UGT1A10: variants seen among roughly 807,000 people sequenced by gnomAD.
The protein encoded by UGT1A10 is UDP glucuronosyltransferase family 1 member A10.
UGT1A10 carries 49 observed loss-of-function variants against 45.8 expected under a neutral mutation model. The ratio of observed to expected loss-of-function variants is 1.07; its 90% CI spans 0.85 to 1.36. UGT1A10 has a LOEUF of 1.36. Ranked by LOEUF, UGT1A10 falls within the 40% of genes most tolerant of loss-of-function variation. The pLI is 0.00. For missense variants in UGT1A10, 745 were observed against 668.6 expected (o/e 1.11, Z -1.26); for synonymous variants, 284 against 249.7 (o/e 1.14, Z -1.29).
At chr2:233,647,800 T>A in intron 1 of UGT1A10, 1 of 731,824 alleles carries the variant, frequency 1.4e-6, no homozygotes. Context: ...GGGTAGAGAT[T>A]TATCAAGTTA....
chr2:233,691,173 G>T, intron 1 of UGT1A10: 2 of 985,646 alleles, frequency 2.0e-6, no homozygotes, highest in Non-Finnish European at 2.4e-6. Flanking sequence ...CCTAATGTCT[G>T]CCTGCTCAAG....
chr2:233,728,187 T>G (rs1430038112), intron 1 of UGT1A10, among the ~76,000 whole-genome samples: 5 of 152,222 alleles, frequency 3.3e-5, no homozygotes, highest in Non-Finnish European at 7.3e-5. Flanking sequence ...TATCAGAACT[T>G]GGTGCTGGAT....
intron 1 of UGT1A10, among the ~76,000 whole-genome samples, chr2:233,660,594 G>A (rs929603279): frequency 7.3e-5 from 11 of 151,428 alleles, no homozygotes; most frequent in Non-Finnish European, 1.5e-4. Flanking sequence ...TTCCCTTAAA[G>A]GCTCAAGGAT....
chr2:233,730,496 A>G (rs888211040), intron 1 of UGT1A10, among the ~76,000 whole-genome samples: 3 of 152,218 alleles, frequency 2.0e-5, no homozygotes, highest in Admixed American at 6.5e-5. Context: ...TAGAAGTGTC[A>G]GAGAGGTTGA....
chr2:233,670,769 C>T (rs2074168738), intron 1 of UGT1A10, among the ~76,000 whole-genome samples: 1 of 152,138 alleles, frequency 6.6e-6, no homozygotes, highest in South Asian at 2.1e-4. Context: ...CAGTGTTGAA[C>T]TCATGGGTTC....
At chr2:233,707,260 G>A (rs1461655680) in intron 1 of UGT1A10, among the ~76,000 whole-genome samples, 2 of 151,950 alleles carry the variant, frequency 1.3e-5, no homozygotes, top group Non-Finnish European at 1.5e-5. Flanking sequence ...TTCTTCATCA[G>A]CATTTATTTT....
In UGT1A10 at chr2:233,641,555, A is replaced by G. The variant is rs184011634; in HGVS notation, c.855+4178A>G. 5.3e-5 allele frequency among the ~76,000 whole-genome samples: 8 copies of G among 152,284 alleles called. No individual in the cohort carries two copies. In the East Asian group the frequency reaches 1.4e-3, roughly 26 times the overall value. On this transcript the variant is annotated intron_variant, in intron 1 of 4. Coordinates refer to ENST00000344644, the MANE Select transcript of UGT1A10 (RefSeq NM_019075.4). ...ACAGTAGTTTGCACACACAGTTACA[A>G]TGTTATAATATTCTGTGTATTTCTG...
At position 233,671,827 on chromosome 2, in the gene UGT1A10, T is replaced by C; in HGVS notation, c.855+34450T>C. The C allele has an allele frequency of 5.5e-6, 8 of 1,450,186 alleles. No homozygotes were observed. The East Asian group carries it at 1.7e-4, about 30-fold the overall frequency. The allele number at this position is 1,450,186 out of a possible 1,614,324, so 89.8% of individuals were successfully genotyped here. ...GACTGATTTTTTTTTTATGAAAGGATAAAAACACGCCCTCTATTGGGGTCA... is the reference window on the plus strand; with the variant it reads ...GACTGATTTTTTTTTTATGAAAGGACAAAAACACGCCCTCTATTGGGGTCA... On this transcript the variant is annotated intron_variant, in intron 1 of 4. Transcript: ENST00000344644.
At chr2:233,743,063 C>G (rs1189998350) in intron 1 of UGT1A10, 2 of 336,472 alleles carry the variant, frequency 5.9e-6, no homozygotes, top group East Asian at 7.7e-5. Context: ...ACGATAAGAA[C>G]AGGTGTTGGC....
chr2:233,676,664 T>A (rs2074367608), intron 1 of UGT1A10, among the ~76,000 whole-genome samples: 1 of 152,204 alleles, frequency 6.6e-6, no homozygotes, highest in African/African-American at 2.4e-5. Flanking sequence ...TTGGGCAGTT[T>A]CGAGCAGTCC....
In UGT1A10 at chr2:233,772,799, AT is replaced by A; in HGVS notation, c.*245del. 3 of 1,169,378 alleles carry A rather than the reference AT, an allele frequency of 2.6e-6. No homozygotes were observed. The highest frequency in any genetic ancestry group is 3.4e-6 in the Non-Finnish European group (3 of 874,384). 72.4% of individuals were successfully genotyped at this position (1,169,378 alleles called of 1,614,324 possible). ...GTCTTTGATCAGGATGACATGTGCC[AT>A]TTTTCAGAGGACGTGCAGACAGGCT... is the stretch of plus-strand genomic sequence containing the variant. On this transcript the variant is annotated 3_prime_UTR_variant, in exon 5 of 5. Transcript: ENST00000344644.
At chr2:233,679,928 T>G (rs2074466568) in intron 1 of UGT1A10, among the ~76,000 whole-genome samples, 2 of 152,312 alleles carry the variant, frequency 1.3e-5, no homozygotes, top group Admixed American at 1.3e-4. Flanking sequence ...CAAAAATGTA[T>G]TTCACAAAAA....
intron 1 of UGT1A10, chr2:233,753,227 G>C (rs1159268565): frequency 6.6e-6 from 1 of 152,106 alleles, no homozygotes; most frequent in Non-Finnish European, 1.5e-5. Flanking sequence ...GATACTTCTT[G>C]TATAGTTATT....
At chr2:233,668,751 A>G (rs921652413) in intron 1 of UGT1A10, among the ~76,000 whole-genome samples, 4 of 152,182 alleles carry the variant, frequency 2.6e-5, no homozygotes, top group African/African-American at 9.7e-5. Flanking sequence ...ATCAACACTG[A>G]CACATTATGT....
At chr2:233,672,201 G>T (rs186748787) in intron 1 of UGT1A10, 28 of 1,614,196 alleles carry the variant, frequency 1.7e-5, no homozygotes, top group Non-Finnish European at 2.2e-5. Flanking sequence ...TGGACCGGGA[G>T]TTCAAGGCTT....
At chr2:233,642,818 A>G (rs1451897088) in intron 1 of UGT1A10, among the ~76,000 whole-genome samples, 1 of 152,164 alleles carries the variant, frequency 6.6e-6, no homozygotes, top group Non-Finnish European at 1.5e-5. Flanking sequence ...ACTTCTCTGG[A>G]TTCCAGCACA....
chr2:233,655,769 A>G (rs1320464487), intron 1 of UGT1A10, among the ~76,000 whole-genome samples: 3 of 152,202 alleles, frequency 2.0e-5, no homozygotes, highest in Non-Finnish European at 4.4e-5. Flanking sequence ...CCATCCCTGC[A>G]AGAGCAATGC....
rs997536356 is a variant in UGT1A10, at chr2:233,636,753, C to A, written c.231C>A (p.Tyr77Ter). 6.2e-7 allele frequency: 1 copy of A among 1,614,208 alleles called. No individual in the cohort carries two copies. Residue 77 changes from tyrosine to a stop codon, truncating the protein, a stop_gained, in exon 1 of 5, where the codon TAC becomes TAA. Coordinates refer to ENST00000344644, the MANE Select transcript of UGT1A10 (RefSeq NM_019075.4). LOFTEE classifies it high-confidence loss of function. ...ERSLNCTVKT[Y>*]STSYTLEDQN... is the part of the protein sequence containing the mutation. ...CACTGAATTGCACAGTGAAGACTTA[C>A]TCAACCTCGTACACTCTGGAAGATC...
intron 1 of UGT1A10, among the ~76,000 whole-genome samples, chr2:233,697,574 T>A (rs1184088386): frequency 6.6e-6 from 1 of 151,944 alleles, no homozygotes; most frequent in African/African-American, 2.4e-5. Context: ...TTTAATTTAT[T>A]TTTTCCCTGA....
Sources: gnomAD v4.1 joint callset for allele counts (sites outside exome capture counted in the v4.1 genomes callset) on GRCh38, gnomAD v4.1.1 for gene constraint, MANE v1.5 for transcripts, NCBI Gene and HGNC (gene_info 2026-07-23, HGNC 2026-07-21) for gene names.